CCSER1: variants seen among roughly 807,000 people sequenced by gnomAD.
CCSER1 encodes coiled-coil serine rich protein 1.
A neutral mutation model predicts 82.0 loss-of-function variants in CCSER1; 41 were observed. The observed-to-expected ratio is 0.50, with a 90% confidence interval of 0.39 to 0.65. The LOEUF (loss-of-function observed/expected upper bound fraction) is 0.65, where lower values mean the gene tolerates loss of function less well. CCSER1 is among the 30% of genes least tolerant of loss of function. The probability of loss-of-function intolerance (pLI) is 0.00; values close to 1 mark genes in which losing one functional copy is unlikely to be tolerated. For missense variants in CCSER1, 1,119 were observed against 1,064.2 expected (o/e 1.05, Z -0.72); for synonymous variants, 414 against 383.9 (o/e 1.08, Z -0.92).
intron 10 of CCSER1, among the ~76,000 whole-genome samples, chr4:91,259,848 A>AT (rs993796232): frequency 1.3e-5 from 2 of 152,078 alleles, no homozygotes; most frequent in African/African-American, 4.8e-5. Flanking sequence ...ATTGATGGGC[A>AT]TTTGGGTTGG....
intron 7 of CCSER1, among the ~76,000 whole-genome samples, chr4:90,735,682 G>A (rs1455997224): frequency 6.6e-6 from 1 of 151,798 alleles, no homozygotes; most frequent in Non-Finnish European, 1.5e-5. Flanking sequence ...GATTTTATTG[G>A]TATGGGCTTT....
intron 10 of CCSER1, among the ~76,000 whole-genome samples, chr4:91,113,070 A>G (rs1726222758): frequency 6.6e-6 from 1 of 152,238 alleles, no homozygotes; most frequent in Admixed American, 6.5e-5. Flanking sequence ...AGCTGCGGCT[A>G]TAGAAATTAT....
chr4:91,406,894 A>G (rs925973007), intron 10 of CCSER1, among the ~76,000 whole-genome samples: 1 of 152,212 alleles, frequency 6.6e-6, no homozygotes, highest in Non-Finnish European at 1.5e-5. Context: ...AATGAAAAAA[A>G]CAACCTTTGT....
At chr4:90,780,569 C>G (rs2271592) in intron 7 of CCSER1, 1 of 1,536,216 alleles carries the variant, frequency 6.5e-7, no homozygotes, top group Non-Finnish European at 8.7e-7. Flanking sequence ...AAGACTCTTT[C>G]CATCCAGTTC....
chr4:90,583,143 A>G (rs182296951), intron 5 of CCSER1, among the ~76,000 whole-genome samples: 210 of 152,250 alleles, frequency 1.4e-3, no homozygotes, highest in African/African-American at 5.0e-3. Flanking sequence ...ATATTACATT[A>G]TTTCACATTT....
At chr4:90,850,097 C>G (rs964409702) in intron 8 of CCSER1, among the ~76,000 whole-genome samples, 3 of 152,198 alleles carry the variant, frequency 2.0e-5, no homozygotes, top group African/African-American at 7.2e-5. Flanking sequence ...CAGACCATTG[C>G]TTCAGAGGGT....
intron 5 of CCSER1, among the ~76,000 whole-genome samples, chr4:90,537,087 T>C (rs527969423): frequency 1.3e-5 from 2 of 152,220 alleles, no homozygotes; most frequent in Non-Finnish European, 2.9e-5. Context: ...TAATAGGATA[T>C]GTTTCAGAGT....
intron 8 of CCSER1, among the ~76,000 whole-genome samples, chr4:90,841,249 G>T (rs1410601317): frequency 1.3e-5 from 2 of 152,196 alleles, no homozygotes; most frequent in Middle Eastern, 3.4e-3. Context: ...TGGCAGCAAG[G>T]GTAGAAACAA....
In CCSER1 at chr4:91,181,396, C is replaced by T. The variant is rs147440303; in HGVS notation, c.2217+95402C>T. 3.9e-3 allele frequency among the ~76,000 whole-genome samples: 594 copies of T among 152,312 alleles called. 5 individuals carry two copies. The highest frequency in any genetic ancestry group is 0.013 in the African/African-American group (556 of 41,562). On this transcript the variant is annotated intron_variant, in intron 10 of 10. Coordinates refer to ENST00000509176, the MANE Select transcript of CCSER1 (RefSeq NM_001145065.2). ...TTACTAGCTGCTAATCTGTCTGTAA[C>T]TCCTTCAAGCACTCCAGTTCCTGGC...
rs182837879 is a variant in CCSER1, at chr4:90,409,921, A to C, written c.1603+9792A>C. On this transcript the variant is annotated intron_variant, in intron 4 of 10. Transcript: ENST00000509176. ...CAGAGACACACATAGGCTCAAAATA[A>C]AGGGATGGAGGAAGATCTACCAAGC... 7.7e-3 allele frequency among the ~76,000 whole-genome samples: 1,166 copies of C among 152,286 alleles called. 14 individuals are homozygous for C. Among genetic ancestry groups the C allele is most frequent in the African/African-American group, 0.026 (1,100 of 41,564 alleles).
chr4:91,098,200 G>T (rs1285486924), intron 10 of CCSER1, among the ~76,000 whole-genome samples: 1 of 152,130 alleles, frequency 6.6e-6, no homozygotes, highest in Non-Finnish European at 1.5e-5. Flanking sequence ...ATTTTATTCT[G>T]ATAGTGGACT....
chr4:90,737,920 C>G (rs1278820851), intron 7 of CCSER1, among the ~76,000 whole-genome samples: 1 of 152,146 alleles, frequency 6.6e-6, no homozygotes, highest in Non-Finnish European at 1.5e-5. Flanking sequence ...TTTTTCAGCT[C>G]TAGAATTTCT....
At chr4:90,816,458 G>C (rs944626808) in intron 8 of CCSER1, among the ~76,000 whole-genome samples, 1 of 152,034 alleles carries the variant, frequency 6.6e-6, no homozygotes, top group Non-Finnish European at 1.5e-5. Flanking sequence ...ATAGCAGACA[G>C]AGCAGTGGGC....
At chr4:90,908,723 T>C (rs1485481068) in intron 8 of CCSER1, among the ~76,000 whole-genome samples, 4 of 152,142 alleles carry the variant, frequency 2.6e-5, no homozygotes, top group Non-Finnish European at 5.9e-5. Flanking sequence ...TTTCAGGTGC[T>C]CATTTGTCAC....
At chr4:91,089,564 C>T (rs917126347) in intron 10 of CCSER1, among the ~76,000 whole-genome samples, 2 of 152,248 alleles carry the variant, frequency 1.3e-5, no homozygotes, top group Admixed American at 6.5e-5. Context: ...TATGTCTTCC[C>T]GTGCAATAGA....
chr4:90,271,844 ATATATATATATATATATATTTTTTTTT>A (rs1321805829), intron 1 of CCSER1, among the ~76,000 whole-genome samples: 2 of 22,418 alleles, frequency 8.9e-5, no homozygotes, highest in African/African-American at 6.5e-4. Context: ...ATATATATAT[ATATATATATATATATATATTTTTTTTT>A]TTTTTTTTTT....
chr4:91,249,467 T>C (rs1051532352), intron 10 of CCSER1, among the ~76,000 whole-genome samples: 1 of 152,072 alleles, frequency 6.6e-6, no homozygotes, highest in Non-Finnish European at 1.5e-5. Context: ...TCCTAGAAGG[T>C]TCACTTTTTT....
At chr4:91,477,269 C>G (rs1020156948) in intron 10 of CCSER1, among the ~76,000 whole-genome samples, 2 of 151,558 alleles carry the variant, frequency 1.3e-5, no homozygotes, top group African/African-American at 4.8e-5. Context: ...GTTCTTAAGA[C>G]AATTCTCAAA....
rs546128640 is a variant in CCSER1 at position 91,065,381 on chromosome 4, ATAAT to A, written c.2173-20564_2173-20561del. 2.4e-3 allele frequency among the ~76,000 whole-genome samples: 363 copies of A among 152,284 alleles called. 1 individual carries two copies. The highest frequency in any genetic ancestry group is 7.3e-3 in the African/African-American group (304 of 41,582). On this transcript the variant is annotated intron_variant, in intron 9 of 10. Transcript: ENST00000509176. The stretch of plus-strand genomic sequence containing the variant: ...ACAAAACAGTGATGTACATTATTGT[ATAAT>A]TAATATAATGGTAAAAGTTATATTC...
Sources: allele counts gnomAD v4.1 joint callset (sites outside exome capture counted in the v4.1 genomes callset), GRCh38; gene constraint gnomAD v4.1.1; transcripts MANE v1.5; gene names NCBI Gene and HGNC (gene_info 2026-07-23, HGNC 2026-07-21).